Variants in PLEKHM2 observed in about 807,000 individuals in gnomAD.
PLEKHM2 encodes the protein pleckstrin homology domain-containing family M member 2.
Under a neutral mutation model 116.3 loss-of-function variants are expected in PLEKHM2, and 77 were observed. The ratio of observed to expected loss-of-function variants is 0.66; its 90% CI spans 0.55 to 0.80. PLEKHM2 has a LOEUF of 0.80. Ranked by LOEUF, PLEKHM2 falls within the 30% of genes least tolerant of loss-of-function variation. The probability of loss-of-function intolerance (pLI) is 0.00; values close to 1 mark genes in which losing one functional copy is unlikely to be tolerated. For synonymous variants in PLEKHM2, 562 were observed against 571.0 expected, an observed-to-expected ratio of 0.98 and a Z score of 0.22; for missense variants, 1,183 against 1,354.9, an observed-to-expected ratio of 0.87 and a Z score of 1.99.
In PLEKHM2 at chr1:15,725,316, G is replaced by C. The variant is rs1257282019; in HGVS notation, c.713-1G>C. 3.9e-6 allele frequency: 6 copies of C among 1,549,754 alleles called. No homozygotes were observed. The highest frequency in any genetic ancestry group is 5.2e-6 in the Non-Finnish European group (6 of 1,145,858). ...TGTCTCCTGCTTCCTTGTCCTCCCA[G>C]ATGGAGACCTCACAGACACGGTCAG... On this transcript the variant is annotated splice_acceptor_variant, in intron 7 of 19. Coordinates refer to ENST00000375799, the MANE Select transcript of PLEKHM2 (RefSeq NM_015164.4). LOFTEE classifies it high-confidence loss of function.
In PLEKHM2 at chr1:15,711,507, C is replaced by T. The variant is rs150106141; in HGVS notation, c.61-4730C>T. On this transcript the variant is annotated intron_variant, in intron 1 of 19. Transcript: ENST00000375799. ...TCGAAGGTGCCTGTGATCCCAGCTACTTGGGAGGCTGACGCAGGAGAATCA... is the reference window on the plus strand; with the variant it reads ...TCGAAGGTGCCTGTGATCCCAGCTATTTGGGAGGCTGACGCAGGAGAATCA... Among the ~76,000 whole-genome samples, 767 of 151,906 alleles carry T rather than the reference C, an allele frequency of 5.0e-3. 3 individuals are homozygous for T. The highest frequency in any genetic ancestry group is 0.018 in the African/African-American group (732 of 41,464).
intron 1 of PLEKHM2, among the ~76,000 whole-genome samples, chr1:15,687,553 T>C (rs1355871636): frequency 6.6e-6 from 1 of 152,198 alleles, no homozygotes; most frequent in African/African-American, 2.4e-5. Context: ...TTCCTCAATT[T>C]TACAAGGTTT....
At chr1:15,715,484 A>G (rs1189285297) in intron 1 of PLEKHM2, among the ~76,000 whole-genome samples, 1 of 152,084 alleles carries the variant, frequency 6.6e-6, no homozygotes, top group Admixed American at 6.6e-5. Flanking sequence ...TCTACTAAAG[A>G]TAAAAAATTA....
chr1:15,695,203 T>G (rs1640969828), intron 1 of PLEKHM2, among the ~76,000 whole-genome samples: 1 of 152,244 alleles, frequency 6.6e-6, no homozygotes, highest in African/African-American at 2.4e-5. Context: ...AACTAACAGA[T>G]TCTGAGAAAC....
chr1:15,688,767 G>T (rs964116019), intron 1 of PLEKHM2, among the ~76,000 whole-genome samples: 2 of 152,070 alleles, frequency 1.3e-5, no homozygotes, highest in Non-Finnish European at 2.9e-5. Flanking sequence ...TGTGGTTGCC[G>T]ATTTGTTAAA....
At chr1:15,718,770 C>T (rs968703998) in intron 5 of PLEKHM2, 145 bp downstream of exon 5, 9 of 619,198 alleles carry the variant, frequency 1.5e-5, no homozygotes, top group South Asian at 3.8e-5. Context: ...TTTTTTTGGG[C>T]GAGGGAAAGG....
intron 1 of PLEKHM2, among the ~76,000 whole-genome samples, chr1:15,690,440 G>A (rs557067894): frequency 3.9e-5 from 6 of 152,334 alleles, no homozygotes; most frequent in East Asian, 1.9e-4. Flanking sequence ...TTTTCAGGCC[G>A]TATAGTCTTT....
intron 1 of PLEKHM2, among the ~76,000 whole-genome samples, 167 bp from the exon 2 acceptor site, chr1:15,716,070 G>A (rs1034619037): frequency 3.3e-5 from 5 of 152,236 alleles, no homozygotes; most frequent in African/African-American, 1.2e-4. Context: ...GGAACCTCCA[G>A]TGCCAGAGCA....
Position 15,719,357 on chromosome 1 carries a change from C to G in PLEKHM2, c.466-377C>G, listed in dbSNP as rs893483380. On this transcript the variant is annotated intron_variant, in intron 5 of 19. Transcript: ENST00000375799. This position sits in a 1 kb window ranked among gnomAD's most constrained non-coding sequence, Gnocchi z 4.1. ...ATCTCAGCTACTTGGGAGGCTGAGG[C>G]AGGAGAATCGCTCGAACCCGGGAGG... Among the ~76,000 whole-genome samples the G allele has an allele frequency of 1.1e-4, 17 of 152,000 alleles. No homozygotes were observed. Among genetic ancestry groups the G allele is most frequent in the African/African-American group, 4.1e-4 (17 of 41,388 alleles).
chr1:15,705,109 C>G (rs922865962), intron 1 of PLEKHM2, among the ~76,000 whole-genome samples: 1 of 151,994 alleles, frequency 6.6e-6, no homozygotes, highest in African/African-American at 2.4e-5. Context: ...CGGCACCCCC[C>G]CTGCCCCTGA....
chr1:15,734,419 A>G lies in PLEKHM2; in HGVS notation c.*485A>G, dbSNP rs1380515503. The stretch of plus-strand genomic sequence containing the variant: ...AAGCGGGAACACGGGGTGTCTGCGC[A>G]TGTTTCCTCCTCCTAGCTCCATCAC... On this transcript the variant is annotated 3_prime_UTR_variant, in exon 20 of 20. Transcript: ENST00000375799. 3 of 159,140 alleles carry G rather than the reference A, an allele frequency of 1.9e-5. No homozygotes were observed. The highest frequency in any genetic ancestry group is 4.8e-5 in the African/African-American group (2 of 41,486). 9.9% of individuals were successfully genotyped at this position (159,140 alleles called of 1,614,324 possible). A position where few individuals can be genotyped will look rare whatever the true frequency, so the allele number is the denominator to read the frequency against.
At position 15,716,697 on chromosome 1, in the gene PLEKHM2, G is replaced by A; in HGVS notation, c.168-10G>A. ...TGCAGGTCACAGCAGCTCCTGTCCT[G>A]TTTTCTCAGACTGCAAGACCTCTCC... is the stretch of plus-strand genomic sequence containing the variant. On this transcript the variant is annotated splice_polypyrimidine_tract_variant and intron_variant, in intron 2 of 19. Transcript: ENST00000375799. 2 of 1,558,370 alleles carry A rather than the reference G, an allele frequency of 1.3e-6. No homozygotes were observed.
chr1:15,713,922 G>A (rs1641388946), intron 1 of PLEKHM2, among the ~76,000 whole-genome samples: 1 of 145,712 alleles, frequency 6.9e-6, no homozygotes, highest in African/African-American at 2.6e-5. Flanking sequence ...ACAGGCGTGA[G>A]CCACTGCAGC....
intron 1 of PLEKHM2, among the ~76,000 whole-genome samples, chr1:15,697,377 G>A (rs1438045556): frequency 1.3e-5 from 2 of 152,210 alleles, no homozygotes; most frequent in Non-Finnish European, 2.9e-5. Flanking sequence ...CACCTTAAGA[G>A]GAGTCCTCGG....
At chr1:15,706,554 C>T (rs1024934067) in intron 1 of PLEKHM2, among the ~76,000 whole-genome samples, 48 of 152,142 alleles carry the variant, frequency 3.2e-4, no homozygotes, top group Middle Eastern at 6.8e-3. Flanking sequence ...TACAGGTGTG[C>T]GCCACCATGC....
chr1:15,685,457 G>C (rs1334168925), intron 1 of PLEKHM2, among the ~76,000 whole-genome samples: 2 of 144,564 alleles, frequency 1.4e-5, no homozygotes, highest in Admixed American at 7.2e-5. Flanking sequence ...GGCCAAATCA[G>C]AATGGATTTT....
intron 1 of PLEKHM2, among the ~76,000 whole-genome samples, chr1:15,714,289 T>TC (rs1327179404): frequency 6.7e-6 from 1 of 149,652 alleles, no homozygotes; most frequent in Non-Finnish European, 1.5e-5. Context: ...TAAGGATGCT[T>TC]CCAGCTGTAA....
In PLEKHM2 at chr1:15,730,551, G is replaced by A. The variant is rs200700186; in HGVS notation, c.2228G>A (p.Arg743His). The change falls in exon 15 of 20, where the codon CGC (arginine) becomes CAC (histidine). Residue 743 changes from arginine to histidine, a missense_variant. This residue lies in a region of PLEKHM2 where 594 missense variants were observed against 720.1 expected (regional missense o/e 0.82). Transcript: ENST00000375799. ...CATCAGGCATCTGCTGTCACCGTGC[G>A]CTTCTACGGCCTTGTGCACTGGGAG... ...SKCEASAVTVRFYGLVHWEDP... is the reference protein window; with the variant it reads ...SKCEASAVTVHFYGLVHWEDP... 2,920 of 1,592,154 alleles carry A rather than the reference G, an allele frequency of 1.8e-3. 5 individuals are homozygous for A. The highest frequency in any genetic ancestry group is 3.1e-3 in the Admixed American group (176 of 57,390).
Position 15,684,524 on chromosome 1 carries a change from GTGGCGGTGGCGGTGGCGGCGA to G in PLEKHM2, c.-34_-14del. On this transcript the variant is annotated 5_prime_UTR_variant, in exon 1 of 20. Coordinates refer to ENST00000375799, the MANE Select transcript of PLEKHM2 (RefSeq NM_015164.4). ...AAGCGGCGGCGGGGCGGCGGCGGCG[GTGGCGGTGGCGGTGGCGGCGA>G]CGGTGGCAGCGCCATGGAGCCGGGG... The G allele has an allele frequency of 8.7e-6, 8 of 916,262 alleles. No homozygotes were observed. Among genetic ancestry groups the G allele is most frequent in the Middle Eastern group, 3.5e-4 (1 of 2,882 alleles). The allele number at this position is 916,262 out of a possible 1,614,324, so 56.8% of individuals were successfully genotyped here.
Sources: allele counts gnomAD v4.1 joint callset (sites outside exome capture counted in the v4.1 genomes callset), GRCh38; gene constraint gnomAD v4.1.1; regional missense constraint gnomAD v4.1.1; non-coding constraint Gnocchi (gnomAD v3.1); transcripts MANE v1.5; gene names NCBI Gene and HGNC (gene_info 2026-07-23, HGNC 2026-07-21).